The following UBAC2 variants were observed in gnomAD, a reference collection of about 807,000 sequenced individuals.
UBAC2 encodes the protein UBA domain containing 2.
UBAC2 carries 26 observed loss-of-function variants against 44.0 expected under a neutral mutation model. The observed-to-expected ratio is 0.59, with a 90% confidence interval of 0.43 to 0.82. The LOEUF (loss-of-function observed/expected upper bound fraction) is 0.82. UBAC2 is among the 40% of genes least tolerant of loss of function. The probability of loss-of-function intolerance (pLI) is 0.00; values close to 1 mark genes in which losing one functional copy is unlikely to be tolerated. For synonymous variants in UBAC2, 155 were observed against 154.3 expected (o/e 1.00, Z -0.04); for missense variants, 329 against 419.4 (o/e 0.78, Z 1.88).
chr13:99,238,603 T>G, intron 2 of UBAC2, 49 bp downstream of exon 2: 1 of 1,446,572 alleles, frequency 6.9e-7, no homozygotes, highest in Non-Finnish European at 9.1e-7. Flanking sequence ...CAGTTTTTTT[T>G]TTTTCTTTCT....
intron 4 of UBAC2, among the ~76,000 whole-genome samples, chr13:99,306,169 T>TA: frequency 6.6e-6 from 1 of 152,276 alleles, no homozygotes; most frequent in East Asian, 1.9e-4. Context: ...GTGCTGGGAT[T>TA]ACAGGAGTGA....
intron 1 of UBAC2, among the ~76,000 whole-genome samples, chr13:99,235,331 A>G (rs1369686511): frequency 6.6e-6 from 1 of 152,268 alleles, no homozygotes; most frequent in Non-Finnish European, 1.5e-5. Flanking sequence ...TGGAAGAATC[A>G]GTATTGTTAA....
intron 7 of UBAC2, among the ~76,000 whole-genome samples, chr13:99,353,905 G>A (rs554052814): frequency 6.6e-6 from 1 of 152,314 alleles, no homozygotes; most frequent in South Asian, 2.1e-4. Flanking sequence ...GACAGACGTG[G>A]TTTTGTGGAG....
intron 2 of UBAC2, among the ~76,000 whole-genome samples, chr13:99,242,870 AC>A (rs1307020566): frequency 2.1e-5 from 3 of 144,434 alleles, no homozygotes; most frequent in African/African-American, 5.2e-5. Context: ...CACCTCCCAG[AC>A]GGGGCGGCGG....
At chr13:99,276,583 C>G (rs2043886141) in intron 4 of UBAC2, among the ~76,000 whole-genome samples, 1 of 152,198 alleles carries the variant, frequency 6.6e-6, no homozygotes, top group South Asian at 2.1e-4. Flanking sequence ...TTCACCAACC[C>G]AGAAGCTGTC....
Position 99,385,243 on chromosome 13 carries a change from G to A in UBAC2, c.943G>A (p.Glu315Lys). 6.2e-7 allele frequency: 1 copy of A among 1,614,196 alleles called. No homozygotes were observed. ...CTGCCTGCAGGTCGCCCGGCTCATG[G>A]AGATGGGATTTTCCAGAGGTGATGC... ...VSEEQVARLM[E>K]MGFSRGDALE... The change falls in exon 9 of 9, where the codon GAG (glutamate) becomes AAG (lysine). Residue 315 changes from glutamate (E) to lysine (K), a missense_variant. By Grantham distance (56) the Glu-to-Lys change is moderately conservative. Transcript: ENST00000403766.
intron 1 of UBAC2, among the ~76,000 whole-genome samples, chr13:99,225,218 G>A (rs534711016): frequency 6.6e-6 from 1 of 152,218 alleles, no homozygotes; most frequent in Non-Finnish European, 1.5e-5. Flanking sequence ...TATTAAGTAC[G>A]TTCATATTGT....
Position 99,243,971 on chromosome 13 carries a change from G to A in UBAC2, c.279+20G>A, listed in dbSNP as rs769873147. ...TTTGCAGTAAGTTTTTATGTATTTT[G>A]TCTTTGCTACTTAGGCTGTAGAAAA... is the stretch of plus-strand genomic sequence containing the variant. On this transcript the variant is annotated intron_variant, in intron 3 of 8. Transcript: ENST00000403766. The A allele has an allele frequency of 1.8e-5, 27 of 1,507,280 alleles. No individual in the cohort carries two copies. The highest frequency in any genetic ancestry group is 2.4e-5 in the Non-Finnish European group (27 of 1,130,342). 93.4% of individuals were successfully genotyped at this position (1,507,280 alleles called of 1,614,324 possible).
intron 4 of UBAC2, among the ~76,000 whole-genome samples, chr13:99,307,123 G>A (rs1218273016): frequency 6.6e-6 from 1 of 152,090 alleles, no homozygotes; most frequent in Admixed American, 6.6e-5. Flanking sequence ...AGATATTTCT[G>A]GTGGACCCAT....
At chr13:99,307,537 T>G (rs1255935017) in intron 4 of UBAC2, 7 of 147,378 alleles carry the variant, frequency 4.7e-5, no homozygotes, top group Non-Finnish European at 3.0e-5. Context: ...GCACTTTGTG[T>G]TTTTTTTTGT....
chr13:99,365,578 T>C (rs1406309251), intron 7 of UBAC2, among the ~76,000 whole-genome samples: 1 of 152,184 alleles, frequency 6.6e-6, no homozygotes, highest in East Asian at 1.9e-4. Flanking sequence ...GTTTTAGTTA[T>C]TATTTTGATG....
intron 4 of UBAC2, among the ~76,000 whole-genome samples, chr13:99,307,733 G>A (rs1296868448): frequency 2.0e-5 from 3 of 152,098 alleles, no homozygotes; most frequent in Non-Finnish European, 4.4e-5. Flanking sequence ...AGTTACTGAT[G>A]ATTTTATATT....
chr13:99,285,176 T>C (rs1030367680), intron 4 of UBAC2, among the ~76,000 whole-genome samples: 2 of 152,172 alleles, frequency 1.3e-5, no homozygotes, highest in Non-Finnish European at 2.9e-5. Context: ...AACTACTGTT[T>C]CCACATTTAT....
chr13:99,285,897 A>T (rs1042987734), intron 4 of UBAC2, among the ~76,000 whole-genome samples: 5 of 152,128 alleles, frequency 3.3e-5, no homozygotes, highest in Non-Finnish European at 7.3e-5. Context: ...AGTTCTACAC[A>T]TCCAACGGGG....
At chr13:99,254,845 T>G in intron 4 of UBAC2, 1 of 1,556,390 alleles carries the variant, frequency 6.4e-7, no homozygotes, top group Non-Finnish European at 8.7e-7. Flanking sequence ...GAAGTGAATT[T>G]TGATGGGATT....
chr13:99,288,677 A>AAAATAAATC (rs1258025285), intron 4 of UBAC2, among the ~76,000 whole-genome samples: 5 of 152,194 alleles, frequency 3.3e-5, no homozygotes, highest in African/African-American at 1.2e-4. Flanking sequence ...ATAAATCCTG[A>AAAATAAATC]CTGATTTAAA....
chr13:99,225,667 A>G (rs1383750756), intron 1 of UBAC2, among the ~76,000 whole-genome samples: 2 of 152,160 alleles, frequency 1.3e-5, no homozygotes, highest in Admixed American at 6.6e-5. Context: ...GTCAGGTCCT[A>G]TTGGAGGCAT....
intron 1 of UBAC2, among the ~76,000 whole-genome samples, chr13:99,209,979 A>G (rs1337969408): frequency 6.6e-6 from 1 of 152,238 alleles, no homozygotes; most frequent in Non-Finnish European, 1.5e-5. Flanking sequence ...TCAAAAAACA[A>G]AACAAAAAAC....
At chr13:99,264,439 G>A (rs1380390396) in intron 4 of UBAC2, among the ~76,000 whole-genome samples, 2 of 152,202 alleles carry the variant, frequency 1.3e-5, no homozygotes, top group African/African-American at 4.8e-5. Context: ...CTGCCTTATA[G>A]CTTGTGTAAA....
Sources: gnomAD v4.1 joint callset for allele counts (sites outside exome capture counted in the v4.1 genomes callset) on GRCh38, gnomAD v4.1.1 for gene constraint, MANE v1.5 for transcripts, NCBI Gene and HGNC (gene_info 2026-07-23, HGNC 2026-07-21) for gene names.